Variants in HEXA observed in about 807,000 individuals in gnomAD.
HEXA encodes the protein beta-hexosaminidase subunit alpha.
Under a neutral mutation model 73.3 loss-of-function variants are expected in HEXA, and 54 were observed. The observed-to-expected ratio is 0.74, with a 90% CI of 0.59 to 0.92. HEXA has a LOEUF of 0.92. Among genes scored for constraint, HEXA ranks in the 40% least tolerant of loss-of-function variants. The probability of loss-of-function intolerance (pLI) is 0.00; values close to 1 mark genes in which losing one functional copy is unlikely to be tolerated. For synonymous variants in HEXA, 230 were observed against 246.9 expected, an observed-to-expected ratio of 0.93 and a Z score of 0.64; for missense variants, 649 against 653.0, an observed-to-expected ratio of 0.99 and a Z score of 0.07.
chr15:72,371,523 C>T (rs1424602667), intron 1 of HEXA, among the ~76,000 whole-genome samples: 1 of 148,038 alleles, frequency 6.8e-6, no homozygotes, highest in Non-Finnish European at 1.5e-5. Flanking sequence ...GAGGTCGAGG[C>T]TGCAGTGGGC....
At position 72,350,611 on chromosome 15, in the gene HEXA, C is replaced by T. The variant is rs746861846; in HGVS notation, c.712G>A (p.Asp238Asn). 4 of 1,614,166 alleles carry T rather than the reference C, an allele frequency of 2.5e-6. No homozygotes were observed. In the South Asian group the frequency reaches 4.4e-5, roughly 18 times the overall value. Residue 238 changes from aspartate to asparagine, a missense_variant, in exon 7 of 14, where the codon GAT becomes AAT. Transcript: ENST00000268097. ...GCGTATTCAATGACCTCCTTCACAT[C>T]CTGTGCTGTGTAGATGTGGGTGACA... ...NPVTHIYTAQ[D>N]VKEVIEYARL...
chr15:72,353,378 C>A (rs1254781049), intron 4 of HEXA, among the ~76,000 whole-genome samples, 200 bp from the exon 5 acceptor site: 2 of 152,120 alleles, frequency 1.3e-5, no homozygotes, highest in Non-Finnish European at 2.9e-5. Context: ...CCAACGCCAG[C>A]CTAATACAAC....
rs2088549967 is a variant in HEXA, at chr15:72,340,962, A to G, written c.*3115T>C. The G allele has an allele frequency of 6.6e-6, 1 of 152,092 alleles. No individual in the cohort carries two copies. The highest frequency in any genetic ancestry group is 1.5e-5 in the Non-Finnish European group (1 of 68,016). 9.4% of individuals were successfully genotyped at this position (152,092 alleles called of 1,614,324 possible). ...CCTTTATTTCAAAGTTTATTTATAAAGGAAATACAAATTTTGATAAACAAA... is the reference window on the plus strand; with the variant it reads ...CCTTTATTTCAAAGTTTATTTATAAGGGAAATACAAATTTTGATAAACAAA... On this transcript the variant is annotated 3_prime_UTR_variant, in exon 14 of 14. Coordinates refer to ENST00000268097, the MANE Select transcript of HEXA (RefSeq NM_000520.6).
chr15:72,356,526 A>C lies in HEXA; in HGVS notation c.345T>G (p.Asn115Lys), dbSNP rs774220090. ...NQLPTLESVENYTLTINDDQC... is the reference protein window; with the variant it reads ...NQLPTLESVEKYTLTINDDQC... Reference sequence around the variant, plus strand: ...GACAGGGAACAGGATGGTACTTACAATTCTCCACTGACTCCAAAGTAGGAA... The same window carrying C: ...GACAGGGAACAGGATGGTACTTACACTTCTCCACTGACTCCAAAGTAGGAA... Residue 115 changes from asparagine to lysine, a missense_variant and splice_region_variant, in exon 2 of 14, where the codon AAT (asparagine) becomes AAG (lysine). Transcript: ENST00000268097. 1.2e-5 allele frequency: 20 copies of C among 1,614,044 alleles called. No homozygotes were observed. Among genetic ancestry groups the C allele is most frequent in the Non-Finnish European group, 1.7e-5 (20 of 1,179,994 alleles).
At position 72,343,759 on chromosome 15, in the gene HEXA, A is replaced by C. The variant is rs139968433; in HGVS notation, c.*318T>G. On this transcript the variant is annotated 3_prime_UTR_variant, in exon 14 of 14. Transcript: ENST00000268097. ...CTCACAGGCAAGGCAGAACAGCACA[A>C]AGGCTATAGGTTTCATTCCCAGCCC... 3.0e-4 allele frequency: 111 copies of C among 375,940 alleles called. No homozygotes were observed. The East Asian group carries it at 6.1e-3, about 21-fold the overall frequency. The allele number at this position is 375,940 out of a possible 1,614,324, so 23.3% of individuals were successfully genotyped here.
In HEXA at chr15:72,363,657, A is replaced by G. The variant is rs188279485; in HGVS notation, c.254-7040T>C. Among the ~76,000 whole-genome samples, 172 of 152,280 alleles carry G rather than the reference A, an allele frequency of 1.1e-3. 2 individuals are homozygous for G. In the East Asian group the frequency reaches 0.023, roughly 20 times the overall value. The stretch of plus-strand genomic sequence containing the variant: ...GATTCTTCACCCTCCACAGACTATT[A>G]ATACCTACTTGGAAGTATCACTCTC... On this transcript the variant is annotated intron_variant, in intron 1 of 13. Transcript: ENST00000268097.
chr15:72,346,267 A>T lies in HEXA; in HGVS notation c.1389T>A (p.Tyr463Ter). 2 of 1,613,938 alleles carry T rather than the reference A, an allele frequency of 1.2e-6. No homozygotes were observed. The highest frequency in any genetic ancestry group is 1.7e-6 in the Non-Finnish European group (2 of 1,179,934). The change falls in exon 12 of 14, where the codon TAT becomes TAA. Residue 463 changes from tyrosine (Y) to a stop codon, truncating the protein, a stop_gained. Coordinates refer to ENST00000268097, the MANE Select transcript of HEXA (RefSeq NM_000520.6). LOFTEE classifies it high-confidence loss of function. ...IGGEACMWGEYVDNTNLVPRL... is the reference protein window; with the variant it reads ...IGGEACMWGE ...TGGGGACCAGGTTTGTGTTGTCCAC[A>T]TATTCTCCCCACATACAAGCCTCTC...
chr15:72,358,596 C>T (rs2088814680), intron 1 of HEXA: 2 of 152,270 alleles, frequency 1.3e-5, no homozygotes, highest in South Asian at 2.1e-4. Flanking sequence ...GAACAATGCC[C>T]CTAATTTAAG....
chr15:72,351,219 T>G lies in HEXA; in HGVS notation c.586A>C (p.Asn196His). Reference sequence around the variant, plus strand: ...TGCCAGTGGAACACGTTCAATTTATTGTACGCCATGACATCCTGTAGGTTA... The same window carrying G: ...TGCCAGTGGAACACGTTCAATTTATGGTACGCCATGACATCCTGTAGGTTA... ...ILDTLDVMAY[N>H]KLNVFHWHLV... The change falls in exon 6 of 14, where the codon AAT becomes CAT. Residue 196 changes from asparagine to histidine, a missense_variant. Asn to His is a moderately conservative substitution (Grantham distance 68). Transcript: ENST00000268097. 6.2e-7 allele frequency: 1 copy of G among 1,609,572 alleles called. No homozygotes were observed. The highest frequency in any genetic ancestry group is 8.5e-7 in the Non-Finnish European group (1 of 1,175,804).
intron 1 of HEXA, chr15:72,360,155 C>T (rs1293661817): frequency 6.5e-6 from 1 of 153,272 alleles, no homozygotes; most frequent in Non-Finnish European, 1.5e-5. Flanking sequence ...ACTTTCAACC[C>T]TGGATCAATC....
chr15:72,356,254 C>T (rs528545397), intron 2 of HEXA, among the ~76,000 whole-genome samples: 15 of 152,270 alleles, frequency 9.9e-5, no homozygotes, highest in South Asian at 4.1e-4. Context: ...ATACACTTTC[C>T]TAAAATAGAA....
At chr15:72,350,927 G>A (rs2088686551) in intron 6 of HEXA, 1 of 637,090 alleles carries the variant, frequency 1.6e-6, no homozygotes, top group South Asian at 1.9e-5. Context: ...AAGGCCAGAA[G>A]AGATTCTCTC....
chr15:72,351,218 T>C lies in HEXA; in HGVS notation c.587A>G (p.Asn196Ser), dbSNP rs753862880. Residue 196 changes from asparagine to serine, a missense_variant, in exon 6 of 14, where the codon AAT becomes AGT. Physicochemically the swap from Asn to Ser is conservative, Grantham distance 46. Coordinates refer to ENST00000268097, the MANE Select transcript of HEXA (RefSeq NM_000520.6). ...ATGCCAGTGGAACACGTTCAATTTA[T>C]TGTACGCCATGACATCCTGTAGGTT... ...ILDTLDVMAY[N>S]KLNVFHWHLV... 3.3e-5 allele frequency: 53 copies of C among 1,609,708 alleles called. No individual in the cohort carries two copies. The highest frequency in any genetic ancestry group is 4.3e-5 in the Non-Finnish European group (50 of 1,176,086).
chr15:72,346,063 T>C (rs577259640), intron 12 of HEXA, 172 bp downstream of exon 12: 4 of 648,416 alleles, frequency 6.2e-6, no homozygotes, highest in Admixed American at 4.8e-5. Flanking sequence ...ACGGAAGTCA[T>C]GTGGAGAGTG....
At chr15:72,353,497 G>T (rs1020382315) in intron 4 of HEXA, among the ~76,000 whole-genome samples, 194 bp downstream of exon 4, 1 of 152,124 alleles carries the variant, frequency 6.6e-6, no homozygotes, top group Non-Finnish European at 1.5e-5. Context: ...GACTCAGGGG[G>T]ACCAAATTAC....
At chr15:72,371,547 C>T (rs1179903310) in intron 1 of HEXA, among the ~76,000 whole-genome samples, 1 of 144,884 alleles carries the variant, frequency 6.9e-6, no homozygotes, top group Non-Finnish European at 1.5e-5. Context: ...GTTTGTGCCA[C>T]TGCACTCCAG....
chr15:72,366,557 A>G (rs1304220289), intron 1 of HEXA, among the ~76,000 whole-genome samples: 1 of 151,946 alleles, frequency 6.6e-6, no homozygotes, highest in Non-Finnish European at 1.5e-5. Flanking sequence ...GTGATCCCAC[A>G]GCCTCAGCCT....
intron 1 of HEXA, among the ~76,000 whole-genome samples, chr15:72,375,161 T>C (rs2089044739): frequency 6.6e-6 from 1 of 151,358 alleles, no homozygotes; most frequent in South Asian, 2.1e-4. Context: ...CGATCTCAGC[T>C]CACCACAACC....
chr15:72,373,188 T>C (rs1435284434), intron 1 of HEXA, among the ~76,000 whole-genome samples: 17 of 152,018 alleles, frequency 1.1e-4, no homozygotes, highest in Admixed American at 1.1e-3. Flanking sequence ...TACAAATAAG[T>C]TGTTTGGAGG....
Sources: allele counts gnomAD v4.1 joint callset (sites outside exome capture counted in the v4.1 genomes callset), GRCh38; gene constraint gnomAD v4.1.1; transcripts MANE v1.5; gene names NCBI Gene and HGNC (gene_info 2026-07-23, HGNC 2026-07-21).